RPGRIP1: variants seen among roughly 807,000 people sequenced by gnomAD.
RPGRIP1 encodes X-linked retinitis pigmentosa GTPase regulator-interacting protein 1.
Under a neutral mutation model 157.9 loss-of-function variants are expected in RPGRIP1, and 128 were observed. The observed-to-expected ratio is 0.81, with a 90% CI of 0.70 to 0.94. RPGRIP1 has a LOEUF of 0.94. RPGRIP1 is among the 40% of genes least tolerant of loss of function. The pLI is 0.00. For synonymous variants in RPGRIP1, 554 were observed against 571.6 expected, an observed-to-expected ratio of 0.97 and a Z score of 0.44; for missense variants, 1,486 against 1,545.8, an observed-to-expected ratio of 0.96 and a Z score of 0.65.
At position 21,325,976 on chromosome 14, in the gene RPGRIP1, T is replaced by A; in HGVS notation, c.2513T>A (p.Ile838Asn). 1.2e-6 allele frequency: 2 copies of A among 1,613,978 alleles called. No individual in the cohort carries two copies. Among genetic ancestry groups the A allele is most frequent in the Non-Finnish European group, 1.7e-6 (2 of 1,179,874 alleles). ...ACCTTTTCTGACCATGACACTGCCA[T>A]CATTCCAGCCAGTAACAACCCCTAC... ...FFTFSDHDTA[I>N]IPASNNPYFR... Residue 838 changes from isoleucine to asparagine, a missense_variant, in exon 17 of 25, where the codon ATC (isoleucine) becomes AAC (asparagine). Transcript: ENST00000400017.
intron 1 of RPGRIP1, among the ~76,000 whole-genome samples, chr14:21,282,198 T>C (rs61977466): frequency 0.27 from 41,224 of 152,112 alleles, 5,942 homozygotes; most frequent in Admixed American, 0.32. Flanking sequence ...CACTAACCTA[T>C]ACTTGTCCAA....
chr14:21,325,428 A>G, intron 16 of RPGRIP1, 45 bp downstream of exon 16: 2 of 1,537,990 alleles, frequency 1.3e-6, no homozygotes, highest in Non-Finnish European at 1.8e-6. Flanking sequence ...AGCCTCAGCC[A>G]AACAGCTCAT....
At chr14:21,351,021 A>C (rs965304507) in intron 24 of RPGRIP1, 83 bp from the exon 25 acceptor site, 3 of 700,694 alleles carry the variant, frequency 4.3e-6, no homozygotes, top group Admixed American at 5.8e-5. Context: ...TCATTCATTT[A>C]GCATCCCCAG....
At position 21,324,616 on chromosome 14, in the gene RPGRIP1, A is replaced by G. The variant is rs771106795; in HGVS notation, c.1763-2A>G. 3 of 1,612,160 alleles carry G rather than the reference A, an allele frequency of 1.9e-6. No individual in the cohort carries two copies. In the African/African-American group the frequency reaches 4.0e-5, roughly 22 times the overall value. On this transcript the variant is annotated splice_acceptor_variant, in intron 14 of 24. Transcript: ENST00000400017. LOFTEE classifies it high-confidence loss of function. Reference sequence around the variant, plus strand: ...GGATAGGCAGCTTTCTTTCCCCTCTAGAACAGCTCAAAGATGTTGCTTATG... The same window carrying G: ...GGATAGGCAGCTTTCTTTCCCCTCTGGAACAGCTCAAAGATGTTGCTTATG...
intron 2 of RPGRIP1, among the ~76,000 whole-genome samples, chr14:21,290,210 C>T (rs1294460886): frequency 6.6e-6 from 1 of 152,008 alleles, no homozygotes; most frequent in Admixed American, 6.6e-5. Context: ...CTGGGTCATA[C>T]GGTAACACTA....
rs78876813 is a variant in RPGRIP1, at chr14:21,312,160, A to G, written c.1077+190A>G. On this transcript the variant is annotated intron_variant, in intron 9 of 24. Coordinates refer to ENST00000400017, the MANE Select transcript of RPGRIP1 (RefSeq NM_020366.4). ...GATTTGTACTTATGTCTGTTTTTCA[A>G]AGTCCTTGCTCTTTCATAATGTTTT... Among the ~76,000 whole-genome samples the G allele has an allele frequency of 0.01, 1,578 of 152,296 alleles. 8 individuals are homozygous for G. The highest frequency in any genetic ancestry group is 0.024 in the Middle Eastern group (7 of 294).
At chr14:21,291,297 A>T (rs1234860891) in intron 2 of RPGRIP1, among the ~76,000 whole-genome samples, 1 of 152,210 alleles carries the variant, frequency 6.6e-6, no homozygotes, top group African/African-American at 2.4e-5. Flanking sequence ...TCCATGAAAC[A>T]TGAACTGACT....
chr14:21,311,409 G>T (rs547805891), intron 8 of RPGRIP1, among the ~76,000 whole-genome samples: 18 of 152,060 alleles, frequency 1.2e-4, no homozygotes, highest in Non-Finnish European at 2.1e-4. Context: ...AAAATTAGCT[G>T]GGCGTGGTGG....
chr14:21,292,021 G>A (rs139802787), intron 2 of RPGRIP1, among the ~76,000 whole-genome samples: 1,833 of 152,144 alleles, frequency 0.012, 14 homozygotes, highest in Middle Eastern at 0.041. Flanking sequence ...GCCTCCCAAA[G>A]TGCTGGGATG....
rs565409528 is a variant in RPGRIP1, at chr14:21,348,877, T to A, written c.3748+575T>A. 1.8e-3 allele frequency among the ~76,000 whole-genome samples: 275 copies of A among 152,076 alleles called. 2 individuals are homozygous for A. Among genetic ancestry groups the A allele is most frequent in the Middle Eastern group, 6.8e-3 (2 of 294 alleles). The stretch of plus-strand genomic sequence containing the variant: ...TGTTTTACCATGTTGGCCAGACTGG[T>A]CTCGAACTCCTGACCTCAAGTGATC... On this transcript the variant is annotated intron_variant, in intron 24 of 24. Coordinates refer to ENST00000400017, the MANE Select transcript of RPGRIP1 (RefSeq NM_020366.4).
At chr14:21,297,155 G>A (rs765498366) in intron 3 of RPGRIP1, among the ~76,000 whole-genome samples, 5 of 151,902 alleles carry the variant, frequency 3.3e-5, no homozygotes, top group African/African-American at 4.8e-5. Context: ...GTGCAGTGGC[G>A]CAATCTCGGC....
At position 21,324,861 on chromosome 14, in the gene RPGRIP1, C is replaced by A; in HGVS notation, c.2006C>A (p.Ser669Tyr). Residue 669 changes from serine (S) to tyrosine (Y), a missense_variant, in exon 15 of 25, where the codon TCT becomes TAT. By Grantham distance (144) the Ser-to-Tyr change is moderately radical. Transcript: ENST00000400017. ...YDFETHCTPLSVGPQPLYDFT... is the reference protein window; with the variant it reads ...YDFETHCTPLYVGPQPLYDFT... ...TTTGAAACCCACTGTACCCCATTAT[C>A]TGTGGGGCCACAGCCCCTCTATGAC... The A allele has an allele frequency of 6.2e-7, 1 of 1,613,878 alleles. No homozygotes were observed. Among genetic ancestry groups the A allele is most frequent in the Non-Finnish European group, 8.5e-7 (1 of 1,179,722 alleles).
At chr14:21,328,791 G>A (rs1186789960) in intron 19 of RPGRIP1, among the ~76,000 whole-genome samples, 164 bp downstream of exon 19, 1 of 151,680 alleles carries the variant, frequency 6.6e-6, no homozygotes, top group Non-Finnish European at 1.5e-5. Context: ...GGGCAGTTGA[G>A]GTGGGCAGAT....
chr14:21,341,419 A>G (rs1017193771), intron 21 of RPGRIP1, among the ~76,000 whole-genome samples: 2 of 152,276 alleles, frequency 1.3e-5, no homozygotes, highest in African/African-American at 4.8e-5. Context: ...AGGGGCAGGC[A>G]CAGGAGCTCC....
intron 5 of RPGRIP1, 144 bp from the exon 6 acceptor site, chr14:21,303,187 G>C (rs1257236890): frequency 1.6e-6 from 1 of 639,034 alleles, no homozygotes; most frequent in Non-Finnish European, 2.7e-6. Context: ...TTTATGTTTT[G>C]TTTGACATTT....
At chr14:21,326,661 C>T (rs749090883) in intron 17 of RPGRIP1, among the ~76,000 whole-genome samples, 46 of 152,036 alleles carry the variant, frequency 3.0e-4, no homozygotes, top group Non-Finnish European at 5.6e-4. Flanking sequence ...TGAGCCACCG[C>T]GCCTGGCTGA....
At chr14:21,340,432 A>C (rs1036165191) in intron 21 of RPGRIP1, among the ~76,000 whole-genome samples, 1 of 152,202 alleles carries the variant, frequency 6.6e-6, no homozygotes, top group Non-Finnish European at 1.5e-5. Flanking sequence ...AGGTGGGTGG[A>C]TCACTTGAGG....
chr14:21,336,122 T>C (rs922411929), intron 21 of RPGRIP1, among the ~76,000 whole-genome samples: 6 of 152,174 alleles, frequency 3.9e-5, no homozygotes, highest in Non-Finnish European at 5.9e-5. Flanking sequence ...TTTGTAGAGG[T>C]TGGAAAACTC....
Position 21,327,794 on chromosome 14 carries a change from C to A in RPGRIP1, c.2882C>A (p.Ser961Ter). The A allele has an allele frequency of 6.3e-7, 1 of 1,595,046 alleles. No homozygotes were observed. The highest frequency in any genetic ancestry group is 8.5e-7 in the Non-Finnish European group (1 of 1,170,638). Residue 961 changes from serine to a stop codon, truncating the protein, a stop_gained, in exon 18 of 25, where the codon TCA becomes TAA. Coordinates refer to ENST00000400017, the MANE Select transcript of RPGRIP1 (RefSeq NM_020366.4). LOFTEE classifies it high-confidence loss of function. ...SKISSEEEKA[S>*]FPSQDQMASP... ...ATCTCATCTGAAGAGGAAAAGGCTTCATTTCCTTCCCAGGTAACTCTCCAG... is the reference window on the plus strand; with the variant it reads ...ATCTCATCTGAAGAGGAAAAGGCTTAATTTCCTTCCCAGGTAACTCTCCAG...
Sources: gnomAD v4.1 joint callset for allele counts (sites outside exome capture counted in the v4.1 genomes callset) on GRCh38, gnomAD v4.1.1 for gene constraint, MANE v1.5 for transcripts, NCBI Gene and HGNC (gene_info 2026-07-23, HGNC 2026-07-21) for gene names.